The following ZFHX3 variants were observed in gnomAD, a reference collection of about 807,000 sequenced individuals.
The protein encoded by ZFHX3 is zinc finger homeobox protein 3.
A neutral mutation model predicts 279.1 loss-of-function variants in ZFHX3; 42 were observed. The observed-to-expected ratio is 0.15, with a 90% CI of 0.12 to 0.19. The LOEUF (loss-of-function observed/expected upper bound fraction) is 0.19. Ranked by LOEUF, ZFHX3 falls within the 10% of genes least tolerant of loss-of-function variation. The pLI, the probability that ZFHX3 is intolerant of heterozygous loss-of-function variation, is 1.00. For missense variants in ZFHX3, 4,981 were observed against 4,754.0 expected (o/e 1.05, Z -1.40); for synonymous variants, 2,293 against 1,957.8 (o/e 1.17, Z -4.52).
At position 73,715,747 on chromosome 16, in the gene ZFHX3, T is replaced by C. The variant is rs2053408564; in HGVS notation, c.-1607-35507A>G. Among the ~76,000 whole-genome samples the C allele has an allele frequency of 1.3e-5, 2 of 151,872 alleles. 1 individual carries two copies. The highest frequency in any genetic ancestry group is 1.3e-4 in the Admixed American group (2 of 15,230). The stretch of plus-strand genomic sequence containing the variant: ...CCACCATGCCCTGCTAATTTTTTTG[T>C]ACTTTTAGTTGAGTCGGGGTTTCAC... On this transcript the variant is annotated intron_variant, in intron 1 of 17. Transcript: ENST00000641206.
chr16:73,656,599 T>G (rs1325232492), intron 2 of ZFHX3, among the ~76,000 whole-genome samples: 1 of 152,192 alleles, frequency 6.6e-6, no homozygotes, highest in Admixed American at 6.5e-5. Context: ...CCTTAGTGTG[T>G]GGGGGTGTGT....
chr16:73,215,527 T>C lies in ZFHX3; in HGVS notation c.-1104+41520A>G, dbSNP rs183624532. 3.3e-5 allele frequency among the ~76,000 whole-genome samples: 5 copies of C among 152,320 alleles called. No individual in the cohort carries two copies. In the East Asian group the frequency reaches 9.6e-4, roughly 29 times the overall value. On this transcript the variant is annotated intron_variant, in intron 5 of 17. Coordinates refer to the ZFHX3 transcript ENST00000641206. ...GTTCTATCTGGAGTTTTCTCCCTGT[T>C]CTAAATATATGAGTGAGGCCAACTT...
At chr16:72,866,005 A>G (rs1294117620) in intron 4 of ZFHX3, among the ~76,000 whole-genome samples, 2 of 152,214 alleles carry the variant, frequency 1.3e-5, no homozygotes, top group East Asian at 3.8e-4. Flanking sequence ...ACACAAAGGA[A>G]GCGGGTGTAC....
intron 3 of ZFHX3, among the ~76,000 whole-genome samples, chr16:72,903,155 G>C (rs1030667035): frequency 1.3e-5 from 2 of 152,132 alleles, no homozygotes; most frequent in Non-Finnish European, 2.9e-5. Flanking sequence ...GCGAGAGTTC[G>C]AGGAGGGTGC....
chr16:73,133,161 G>A (rs932953975), intron 6 of ZFHX3, among the ~76,000 whole-genome samples: 3 of 152,166 alleles, frequency 2.0e-5, no homozygotes, highest in African/African-American at 7.2e-5. Context: ...TGAGTGTTAC[G>A]GTGGAATTAT....
intron 5 of ZFHX3, among the ~76,000 whole-genome samples, chr16:73,187,142 T>TCACACACACACA (rs1491472382): frequency 1.7e-4 from 15 of 87,886 alleles, no homozygotes; most frequent in African/African-American, 5.0e-4. Context: ...AAGTTGTATG[T>TCACACACACACA]CTCACACACA....
At chr16:73,586,241 C>T (rs1051938413) in intron 2 of ZFHX3, among the ~76,000 whole-genome samples, 1 of 150,726 alleles carries the variant, frequency 6.6e-6, no homozygotes, top group African/African-American at 2.5e-5. Flanking sequence ...ATAAAAAAAT[C>T]AGCTGGGTGT....
intron 3 of ZFHX3, among the ~76,000 whole-genome samples, chr16:73,328,439 G>A (rs9935274): frequency 0.097 from 14,728 of 152,188 alleles, 1,227 homozygotes; most frequent in African/African-American, 0.22. Flanking sequence ...AGTCTAAGAC[G>A]GGAGTTATAG....
At chr16:73,140,230 C>T (rs1484494972) in intron 6 of ZFHX3, among the ~76,000 whole-genome samples, 2 of 152,002 alleles carry the variant, frequency 1.3e-5, no homozygotes, top group Non-Finnish European at 2.9e-5. Flanking sequence ...CACTACACTC[C>T]ATCCTGGGAG....
intron 1 of ZFHX3, among the ~76,000 whole-genome samples, chr16:73,737,754 T>C (rs1458909205): frequency 1.3e-5 from 2 of 152,184 alleles, no homozygotes. Flanking sequence ...TTTAATCATT[T>C]TGTGTGTTAG....
intron 3 of ZFHX3, among the ~76,000 whole-genome samples, chr16:73,380,965 G>A (rs2016809532): frequency 6.6e-6 from 1 of 152,130 alleles, no homozygotes; most frequent in South Asian, 2.1e-4. Flanking sequence ...CCTAGATACA[G>A]TAGCTGCTTC....
intron 8 of ZFHX3, among the ~76,000 whole-genome samples, chr16:73,072,947 A>G (rs1055701562): frequency 2.0e-5 from 3 of 151,510 alleles, no homozygotes; most frequent in Non-Finnish European, 4.4e-5. Context: ...CCCAGACTGG[A>G]GTGCATTGGC....
chr16:73,146,010 G>C (rs1232852692), intron 5 of ZFHX3, among the ~76,000 whole-genome samples: 1 of 152,142 alleles, frequency 6.6e-6, no homozygotes, highest in Non-Finnish European at 1.5e-5. Context: ...ATATAACCAG[G>C]CTAGTAGTGC....
intron 2 of ZFHX3, among the ~76,000 whole-genome samples, chr16:73,616,905 C>T (rs2143894727): frequency 6.6e-6 from 1 of 152,304 alleles, no homozygotes; most frequent in African/African-American, 2.4e-5. Context: ...TAATTCCCTT[C>T]TTCCACATGC....
intron 2 of ZFHX3, among the ~76,000 whole-genome samples, chr16:73,503,713 G>A (rs1346189117): frequency 6.6e-5 from 10 of 152,176 alleles, no homozygotes; most frequent in Non-Finnish European, 8.8e-5. Context: ...AAAACATTTC[G>A]TCAGAGAAAC....
intron 3 of ZFHX3, among the ~76,000 whole-genome samples, chr16:73,444,818 T>A (rs1006177286): frequency 4.6e-5 from 7 of 152,070 alleles, no homozygotes; most frequent in African/African-American, 1.7e-4. Flanking sequence ...TGTGCTCACC[T>A]CTTAGAAAAA....
In ZFHX3 at chr16:72,950,934, G is replaced by A. The variant is rs369550085; in HGVS notation, c.2751C>T (p.Leu917=). ...CCTCTGACACCAGCTGCCCGCCCCC[G>A]AGCCGCATGTCTAGGGGGATCTCAC... ...VGGEIPLDMR[L]GGGQLVSEEL... Residue 917 remains leucine, a synonymous_variant, in exon 3 of 10, where the codon CTC becomes CTT. Coordinates refer to ENST00000268489, the MANE Select transcript of ZFHX3 (RefSeq NM_006885.4). 66 of 1,613,844 alleles carry A rather than the reference G, an allele frequency of 4.1e-5. No homozygotes were observed. The highest frequency in any genetic ancestry group is 5.2e-5 in the Non-Finnish European group (61 of 1,179,988).
At chr16:73,512,120 G>C (rs1210668508) in intron 2 of ZFHX3, among the ~76,000 whole-genome samples, 1 of 152,012 alleles carries the variant, frequency 6.6e-6, no homozygotes, top group Non-Finnish European at 1.5e-5. Flanking sequence ...GGGAAATGTG[G>C]AATGTGAGTC....
intron 4 of ZFHX3, among the ~76,000 whole-genome samples, chr16:73,304,621 C>T (rs2143143159): frequency 6.6e-6 from 1 of 152,292 alleles, no homozygotes; most frequent in Middle Eastern, 3.4e-3. Context: ...GCATCCCTGC[C>T]CCCTTCCTCC....
Sources: allele counts gnomAD v4.1 joint callset (sites outside exome capture counted in the v4.1 genomes callset), GRCh38; gene constraint gnomAD v4.1.1; transcripts MANE v1.5; gene names NCBI Gene and HGNC (gene_info 2026-07-23, HGNC 2026-07-21).